KIF13A: variants seen among roughly 807,000 people sequenced by gnomAD.
The protein encoded by KIF13A is kinesin-like protein KIF13A.
A neutral mutation model predicts 212.2 loss-of-function variants in KIF13A; 79 were observed. The ratio of observed to expected loss-of-function variants is 0.37; its 90% CI spans 0.31 to 0.45. The LOEUF (loss-of-function observed/expected upper bound fraction) is 0.45. Ranked by LOEUF, KIF13A falls within the 20% of genes least tolerant of loss-of-function variation. The probability of loss-of-function intolerance (pLI) is 1.00; values close to 1 mark genes in which losing one functional copy is unlikely to be tolerated. For synonymous variants in KIF13A, 789 were observed against 808.6 expected (o/e 0.98, Z 0.41); for missense variants, 1,901 against 2,209.0 (o/e 0.86, Z 2.79).
chr6:17,819,605 A>T (rs1005087151), intron 16 of KIF13A, among the ~76,000 whole-genome samples: 2 of 145,344 alleles, frequency 1.4e-5, no homozygotes, highest in African/African-American at 5.0e-5. Flanking sequence ...AAAAACCCAA[A>T]CCAAAAAACA....
intron 25 of KIF13A, among the ~76,000 whole-genome samples, chr6:17,793,180 A>C (rs1761741602): frequency 6.6e-6 from 1 of 152,100 alleles, no homozygotes; most frequent in African/African-American, 2.4e-5. Context: ...TCCTGGGTTC[A>C]AATGACTGTC....
At position 17,794,435 on chromosome 6, in the gene KIF13A, A is replaced by G. The variant is rs748226563; in HGVS notation, c.3076-40T>C. 104 of 1,590,016 alleles carry G rather than the reference A, an allele frequency of 6.5e-5. No homozygotes were observed. Among genetic ancestry groups the G allele is most frequent in the Non-Finnish European group, 8.9e-5 (103 of 1,163,668 alleles). ...GAGGAGTATGGGTGCCAGGAATGAT[A>G]ATGAAAAGGAACGGGATAAAGAAGG... On this transcript the variant is annotated intron_variant, in intron 24 of 38. Transcript: ENST00000259711. The surrounding 1 kb of genome is among the most constrained non-coding windows in gnomAD (Gnocchi z 4.1).
rs997954698 is a variant in KIF13A at position 17,776,394 on chromosome 6, C to T, written c.4170+883G>A. On this transcript the variant is annotated intron_variant, in intron 34 of 38. Coordinates refer to ENST00000259711, the MANE Select transcript of KIF13A (RefSeq NM_022113.6). This position sits in a 1 kb window ranked among gnomAD's most constrained non-coding sequence, Gnocchi z 4.6. The stretch of plus-strand genomic sequence containing the variant: ...CACTGATCTATGTATCATTTTTATT[C>T]TCATTTAGTTCTAAATACATCCTAA... Among the ~76,000 whole-genome samples the T allele has an allele frequency of 2.0e-5, 3 of 152,102 alleles. No homozygotes were observed. Among genetic ancestry groups the T allele is most frequent in the Admixed American group, 2.0e-4 (3 of 15,268 alleles).
chr6:17,761,734 C>A (rs1758595985), downstream of KIF13A, among the ~76,000 whole-genome samples: 1 of 152,176 alleles, frequency 6.6e-6, no homozygotes, highest in African/African-American at 2.4e-5. Context: ...CTTGATATAA[C>A]ATGTTTGTAA....
chr6:17,773,240 GAAGTTCT>G lies in KIF13A; in HGVS notation c.4324+231_4324+237del, dbSNP rs2150294841. On this transcript the variant is annotated intron_variant, in intron 36 of 38. Transcript: ENST00000259711. This position sits in a 1 kb window ranked among gnomAD's most constrained non-coding sequence, Gnocchi z 4.2. The stretch of plus-strand genomic sequence containing the variant: ...GGAAATGATGACAAAAAATGATTCA[GAAGTTCT>G]AAAGTAATACACAAAAAGTCTATGA... Among the ~76,000 whole-genome samples the G allele has an allele frequency of 6.6e-6, 1 of 152,246 alleles. No homozygotes were observed. The highest frequency in any genetic ancestry group is 2.1e-4 in the South Asian group (1 of 4,828).
In KIF13A at chr6:17,799,117, T is replaced by C. The variant is rs1762276690; in HGVS notation, c.2790+149A>G. On this transcript the variant is annotated intron_variant, in intron 22 of 38. Transcript: ENST00000259711. The surrounding 1 kb of genome is among the most constrained non-coding windows in gnomAD (Gnocchi z 4.4). ...TTTTATTTTAAATATTTCTAAACTA[T>C]TTGCATTTGTAATGAGGTACATTTT... 2.2e-6 allele frequency: 1 copy of C among 453,080 alleles called. No homozygotes were observed. Among genetic ancestry groups the C allele is most frequent in the South Asian group, 1.1e-4 (1 of 9,306 alleles). The allele number at this position is 453,080 out of a possible 1,614,324, so 28.1% of individuals were successfully genotyped here.
At position 17,785,397 on chromosome 6, in the gene KIF13A, A is replaced by T; in HGVS notation, c.3488+118T>A. 8.6e-7 allele frequency: 1 copy of T among 1,162,292 alleles called. No individual in the cohort carries two copies. 72.0% of individuals were successfully genotyped at this position (1,162,292 alleles called of 1,614,324 possible). On this transcript the variant is annotated intron_variant, in intron 28 of 38. Coordinates refer to ENST00000259711, the MANE Select transcript of KIF13A (RefSeq NM_022113.6). The surrounding 1 kb of genome is among the most constrained non-coding windows in gnomAD (Gnocchi z 5.8). ...CATTAGAGATGAGTGGACATTCCCTAAGTAGTTCAGCTGGTTGGCATTTTC... is the reference window on the plus strand; with the variant it reads ...CATTAGAGATGAGTGGACATTCCCTTAGTAGTTCAGCTGGTTGGCATTTTC...
intron 17 of KIF13A, chr6:17,812,051 A>C (rs1209392002): frequency 6.6e-6 from 1 of 152,208 alleles, no homozygotes; most frequent in Non-Finnish European, 1.5e-5. Flanking sequence ...TTCTTTTAAG[A>C]ATTTAAGCCC....
At chr6:17,907,553 GAA>G (rs111706430) in intron 2 of KIF13A, among the ~76,000 whole-genome samples, 9 of 134,614 alleles carry the variant, frequency 6.7e-5, no homozygotes, top group African/African-American at 5.4e-5. Context: ...GGCATTTATG[GAA>G]AAAAAAAAAA....
At chr6:17,813,681 G>C (rs1051276148) in intron 17 of KIF13A, among the ~76,000 whole-genome samples, 1 of 152,076 alleles carries the variant, frequency 6.6e-6, no homozygotes, top group African/African-American at 2.4e-5. Flanking sequence ...CACCTTCCCC[G>C]GGTGTGGCCT....
Position 17,783,603 on chromosome 6 carries a change from T to C in KIF13A, c.3544+43A>G, listed in dbSNP as rs1760797701. ...GTGAATCTGGATAGATTACAAACCTTAGTTAAATACAATAATCCCTGTGAC... is the reference window on the plus strand; with the variant it reads ...GTGAATCTGGATAGATTACAAACCTCAGTTAAATACAATAATCCCTGTGAC... On this transcript the variant is annotated intron_variant, in intron 29 of 38. Coordinates refer to ENST00000259711, the MANE Select transcript of KIF13A (RefSeq NM_022113.6). The surrounding 1 kb of genome is among the most constrained non-coding windows in gnomAD (Gnocchi z 4.3). 1 of 1,237,748 alleles carries C rather than the reference T, an allele frequency of 8.1e-7. No individual in the cohort carries two copies. Among genetic ancestry groups the C allele is most frequent in the African/African-American group, 1.5e-5 (1 of 67,022 alleles). The allele number at this position is 1,237,748 out of a possible 1,614,324, so 76.7% of individuals were successfully genotyped here.
intron 3 of KIF13A, among the ~76,000 whole-genome samples, chr6:17,878,150 G>A (rs909475145): frequency 1.3e-5 from 2 of 152,130 alleles, no homozygotes; most frequent in Non-Finnish European, 2.9e-5. Flanking sequence ...CACATATGAC[G>A]CCAGGAGGTA....
At position 17,984,444 on chromosome 6, in the gene KIF13A, A is replaced by G. The variant is rs999026923; in HGVS notation, c.146+2610T>C. 2 of 793,908 alleles carry G rather than the reference A, an allele frequency of 2.5e-6. No individual in the cohort carries two copies. The highest frequency in any genetic ancestry group is 3.8e-5 in the African/African-American group (2 of 53,118). The allele number at this position is 793,908 out of a possible 1,614,324, so 49.2% of individuals were successfully genotyped here. A position where few individuals can be genotyped will look rare whatever the true frequency, so the allele number is the denominator to read the frequency against. ...ACATATCAACTACTAACCTGGACCT[A>G]TGCAATGTATTACAATACTAGAATT... On this transcript the variant is annotated intron_variant, in intron 2 of 38. Transcript: ENST00000259711. The surrounding 1 kb of genome is among the most constrained non-coding windows in gnomAD (Gnocchi z 5.0).
In KIF13A at chr6:17,772,162, T is replaced by C; in HGVS notation, c.4325-103A>G. On this transcript the variant is annotated intron_variant, in intron 36 of 38. Coordinates refer to ENST00000259711, the MANE Select transcript of KIF13A (RefSeq NM_022113.6). The surrounding 1 kb of genome is among the most constrained non-coding windows in gnomAD (Gnocchi z 4.8). The stretch of plus-strand genomic sequence containing the variant: ...GCCATGGGAATATCTGGGAGAACAA[T>C]GAAATTCATAGGCTAATATTTGGCT... 1 of 1,100,834 alleles carries C rather than the reference T, an allele frequency of 9.1e-7. No individual in the cohort carries two copies. The highest frequency in any genetic ancestry group is 1.4e-5 in the South Asian group (1 of 69,058). The allele number at this position is 1,100,834 out of a possible 1,614,324, so 68.2% of individuals were successfully genotyped here.
chr6:17,844,246 C>T (rs1244995823), intron 9 of KIF13A, among the ~76,000 whole-genome samples: 2 of 152,118 alleles, frequency 1.3e-5, no homozygotes, highest in Non-Finnish European at 2.9e-5. Context: ...ATGGTAATAG[C>T]TACAGTATCA....
chr6:17,866,886 C>CAT (rs2150424268), intron 4 of KIF13A, among the ~76,000 whole-genome samples: 1 of 140,670 alleles, frequency 7.1e-6, no homozygotes, highest in Non-Finnish European at 1.5e-5. Context: ...TTTACACACA[C>CAT]ACATATATAT....
intron 12 of KIF13A, among the ~76,000 whole-genome samples, chr6:17,831,966 A>G (rs941177573): frequency 6.6e-6 from 1 of 152,084 alleles, no homozygotes; most frequent in Admixed American, 6.6e-5. Flanking sequence ...GACAGGCCAT[A>G]AGAAAACAGT....
chr6:17,805,420 T>C, intron 19 of KIF13A, 55 bp downstream of exon 19: 2 of 1,442,334 alleles, frequency 1.4e-6, no homozygotes, highest in Non-Finnish European at 1.9e-6. Flanking sequence ...GCTAAATCGC[T>C]TATATTCTCT....
Position 17,773,455 on chromosome 6 carries a change from C to T in KIF13A, c.4324+23G>A. Reference sequence around the variant, plus strand: ...TCTAAGTAATTACAAAGAAATATCACTGCAAAATAATCTCACCACTACCTT... The same window carrying T: ...TCTAAGTAATTACAAAGAAATATCATTGCAAAATAATCTCACCACTACCTT... On this transcript the variant is annotated intron_variant, in intron 36 of 38. Coordinates refer to ENST00000259711, the MANE Select transcript of KIF13A (RefSeq NM_022113.6). The surrounding 1 kb of genome is among the most constrained non-coding windows in gnomAD (Gnocchi z 4.2). The T allele has an allele frequency of 1.5e-6, 2 of 1,367,612 alleles. No individual in the cohort carries two copies. The highest frequency in any genetic ancestry group is 2.1e-6 in the Non-Finnish European group (2 of 960,644). The allele number at this position is 1,367,612 out of a possible 1,614,324, so 84.7% of individuals were successfully genotyped here.
Sources: allele counts gnomAD v4.1 joint callset (sites outside exome capture counted in the v4.1 genomes callset), GRCh38; gene constraint gnomAD v4.1.1; non-coding constraint Gnocchi (gnomAD v3.1); transcripts MANE v1.5; gene names NCBI Gene and HGNC (gene_info 2026-07-23, HGNC 2026-07-21).